ASAP1: variants seen among roughly 807,000 people sequenced by gnomAD.
ASAP1 encodes ArfGAP with SH3 domain, ankyrin repeat and PH domain 1.
Under a neutral mutation model 145.2 loss-of-function variants are expected in ASAP1, and 43 were observed. That is an observed-to-expected ratio of 0.30 (90% CI 0.23 to 0.38). The LOEUF (loss-of-function observed/expected upper bound fraction) is 0.38, where lower values mean the gene tolerates loss of function less well. ASAP1 is among the 10% of genes least tolerant of loss of function. ASAP1 has a pLI of 1.00. For missense variants in ASAP1, 1,018 were observed against 1,355.3 expected (o/e 0.75, Z 3.91); for synonymous variants, 546 against 515.5 (o/e 1.06, Z -0.80).
chr8:130,078,031 C>G (rs2097468070), intron 26 of ASAP1, among the ~76,000 whole-genome samples: 1 of 151,182 alleles, frequency 6.6e-6, no homozygotes, highest in South Asian at 2.1e-4. Flanking sequence ...TCGCTGTCAC[C>G]TAGGCTGGAG....
chr8:130,087,045 C>T (rs1258902472), intron 25 of ASAP1, among the ~76,000 whole-genome samples: 3 of 152,150 alleles, frequency 2.0e-5, no homozygotes, highest in Non-Finnish European at 4.4e-5. Flanking sequence ...CACCTTCTAC[C>T]TCCTTCTTAA....
At chr8:130,191,071 C>A (rs928218191) in intron 5 of ASAP1, among the ~76,000 whole-genome samples, 7 of 148,062 alleles carry the variant, frequency 4.7e-5, no homozygotes, top group African/African-American at 1.8e-4. Context: ...TTTTCCACTG[C>A]TCTGCGGCAG....
chr8:130,274,389 G>C (rs1333069888), intron 3 of ASAP1, among the ~76,000 whole-genome samples: 1 of 152,170 alleles, frequency 6.6e-6, no homozygotes, highest in Admixed American at 6.5e-5. Context: ...GTGCAGAAAT[G>C]GGGAGGTTAC....
intron 27 of ASAP1, among the ~76,000 whole-genome samples, chr8:130,071,307 A>G (rs933174817): frequency 6.6e-6 from 1 of 152,186 alleles, no homozygotes; most frequent in African/African-American, 2.4e-5. Flanking sequence ...CTAAGTAAAA[A>G]ACTGTAACCA....
intron 5 of ASAP1, among the ~76,000 whole-genome samples, chr8:130,192,343 G>C (rs1365437772): frequency 2.1e-5 from 3 of 144,622 alleles, no homozygotes; most frequent in Non-Finnish European, 4.5e-5. Flanking sequence ...GAGCGATGGG[G>C]GACTATGTCT....
chr8:130,085,537 C>T (rs2097490746), intron 25 of ASAP1, among the ~76,000 whole-genome samples: 1 of 151,992 alleles, frequency 6.6e-6, no homozygotes, highest in South Asian at 2.1e-4. Context: ...GAGTTCGAGA[C>T]CAGCCTGGGC....
intron 3 of ASAP1, among the ~76,000 whole-genome samples, chr8:130,242,615 T>A (rs1044578594): frequency 5.3e-5 from 8 of 152,110 alleles, no homozygotes; most frequent in African/African-American, 1.9e-4. Flanking sequence ...AAAAGTGACA[T>A]AAGTTCTCAT....
chr8:130,437,159 A>C (rs1439447513), intron 1 of ASAP1, among the ~76,000 whole-genome samples: 1 of 152,216 alleles, frequency 6.6e-6, no homozygotes, highest in African/African-American at 2.4e-5. Context: ...AGTTCAACAA[A>C]TGTGGTAACA....
In ASAP1 at chr8:130,443,224, C is replaced by CAAA. The variant is rs1565319667; in HGVS notation, c.-28+235_-28+236insTTT. On this transcript the variant is annotated intron_variant, in intron 1 of 29. Coordinates refer to ENST00000518721, the MANE Select transcript of ASAP1 (RefSeq NM_018482.4). Reference sequence around the variant, plus strand: ...TGGAGGCGAGGAGACCTCCCCCCCCCACCGGGCGGCCTCGCCCGGCCCCGC... The same window carrying CAAA: ...TGGAGGCGAGGAGACCTCCCCCCCCCAAAACCGGGCGGCCTCGCCCGGCCCCGC... Among the ~76,000 whole-genome samples the CAAA allele has an allele frequency of 3.2e-3, 481 of 151,928 alleles. 5 individuals carry two copies. The highest frequency in any genetic ancestry group is 0.011 in the African/African-American group (466 of 41,458).
intron 13 of ASAP1, among the ~76,000 whole-genome samples, chr8:130,145,098 C>A (rs111932352): frequency 6.6e-6 from 1 of 152,084 alleles, no homozygotes; most frequent in Non-Finnish European, 1.5e-5. Context: ...TAGTCATCCA[C>A]GCAGGCATTT....
intron 3 of ASAP1, among the ~76,000 whole-genome samples, chr8:130,262,344 G>A (rs1226882099): frequency 4.5e-5 from 6 of 133,178 alleles, no homozygotes; most frequent in South Asian, 5.0e-4. Context: ...GCAGTGAGCC[G>A]AGATTGTGCC....
chr8:130,284,329 C>T (rs903960965), intron 3 of ASAP1, among the ~76,000 whole-genome samples: 24 of 151,984 alleles, frequency 1.6e-4, no homozygotes, highest in Non-Finnish European at 1.9e-4. Flanking sequence ...GTAGTCAAAA[C>T]GATAAATTGT....
intron 1 of ASAP1, among the ~76,000 whole-genome samples, chr8:130,430,467 A>G (rs904833994): frequency 1.3e-5 from 2 of 152,228 alleles, no homozygotes; most frequent in African/African-American, 4.8e-5. Flanking sequence ...GTGGGTAAGC[A>G]GAGAGCCAGG....
intron 6 of ASAP1, among the ~76,000 whole-genome samples, chr8:130,187,861 G>A (rs1814846070): frequency 6.6e-6 from 1 of 152,112 alleles, no homozygotes; most frequent in African/African-American, 2.4e-5. Context: ...CCAAGACTCG[G>A]GCTTAGCTTC....
At chr8:130,302,835 G>C (rs1283102509) in intron 3 of ASAP1, among the ~76,000 whole-genome samples, 2 of 152,186 alleles carry the variant, frequency 1.3e-5, no homozygotes, top group Non-Finnish European at 2.9e-5. Context: ...AGAAAACTAT[G>C]AAGAAATAAG....
chr8:130,098,683 A>G (rs188775032), intron 24 of ASAP1, among the ~76,000 whole-genome samples: 1 of 152,324 alleles, frequency 6.6e-6, no homozygotes, highest in Admixed American at 6.5e-5. Flanking sequence ...GTACATATTT[A>G]TAGGATACAT....
chr8:130,402,089 T>C, intron 1 of ASAP1, 119 bp from the exon 2 acceptor site: 2 of 632,486 alleles, frequency 3.2e-6, no homozygotes, highest in Non-Finnish European at 5.4e-6. Flanking sequence ...AGGAATGTTC[T>C]TGCACCACAG....
At chr8:130,199,457 G>C (rs1219503294) in intron 5 of ASAP1, among the ~76,000 whole-genome samples, 1 of 152,186 alleles carries the variant, frequency 6.6e-6, no homozygotes, top group Admixed American at 6.5e-5. Flanking sequence ...GGACAGAAGA[G>C]TTAGAACTGC....
intron 5 of ASAP1, among the ~76,000 whole-genome samples, chr8:130,210,452 AT>A (rs1265257285): frequency 1.3e-5 from 2 of 152,246 alleles, no homozygotes; most frequent in African/African-American, 2.4e-5. Flanking sequence ...GTCCTTAGTC[AT>A]TTTTAAGACT....
Sources: gnomAD v4.1 joint callset for allele counts (sites outside exome capture counted in the v4.1 genomes callset) on GRCh38, gnomAD v4.1.1 for gene constraint, MANE v1.5 for transcripts, NCBI Gene and HGNC (gene_info 2026-07-23, HGNC 2026-07-21) for gene names.